TMEM131: variants seen among roughly 807,000 people sequenced by gnomAD.
TMEM131 encodes the protein transmembrane protein 131, also known as 2610524E03Rik.
TMEM131 carries 66 observed loss-of-function variants against 211.6 expected under a neutral mutation model. The ratio of observed to expected loss-of-function variants is 0.31; its 90% CI spans 0.26 to 0.38. The LOEUF (loss-of-function observed/expected upper bound fraction) is 0.38, where lower values mean the gene tolerates loss of function less well. Ranked by LOEUF, TMEM131 falls within the 10% of genes least tolerant of loss-of-function variation. The probability of loss-of-function intolerance (pLI) is 1.00; values close to 1 mark genes in which losing one functional copy is unlikely to be tolerated. For missense variants in TMEM131, 2,036 were observed against 2,299.3 expected (o/e 0.89, Z 2.34); for synonymous variants, 844 against 841.3 (o/e 1.00, Z -0.06).
At chr2:97,922,891 A>G (rs1454804657) in intron 2 of TMEM131, among the ~76,000 whole-genome samples, 1 of 152,218 alleles carries the variant, frequency 6.6e-6, no homozygotes, top group Non-Finnish European at 1.5e-5. Flanking sequence ...TATATCTCAC[A>G]ATAAACACTT....
chr2:97,778,780 G>A (rs1679850424), intron 31 of TMEM131, among the ~76,000 whole-genome samples: 1 of 152,028 alleles, frequency 6.6e-6, no homozygotes, highest in South Asian at 2.1e-4. Context: ...TGTAGCTCCT[G>A]CCAGGCCCCA....
chr2:97,811,106 T>C, intron 18 of TMEM131, 22 bp downstream of exon 18: 1 of 1,540,224 alleles, frequency 6.5e-7, no homozygotes, highest in South Asian at 1.1e-5. Flanking sequence ...CCCACTGCCA[T>C]GAATCCCCAT....
In TMEM131 at chr2:97,923,163, C is replaced by T. The variant is rs1426892667; in HGVS notation, c.249+4263G>A. Among the ~76,000 whole-genome samples, 7 of 152,242 alleles carry T rather than the reference C, an allele frequency of 4.6e-5. 1 individual carries two copies. The South Asian group carries it at 6.2e-4, about 14-fold the overall frequency. On this transcript the variant is annotated intron_variant, in intron 2 of 40. Coordinates refer to ENST00000186436, the MANE Select transcript of TMEM131 (RefSeq NM_015348.2). ...AGTTAGCTGGGTGTTGTGGCACACG[C>T]CTGTAATCCTGGTGGCTGAGGCAAG...
At chr2:97,828,216 T>C (rs1465665118) in intron 11 of TMEM131, among the ~76,000 whole-genome samples, 1 of 152,216 alleles carries the variant, frequency 6.6e-6, no homozygotes, top group African/African-American at 2.4e-5. Flanking sequence ...AATTTTAAGC[T>C]GGAAAGTCAC....
At chr2:97,929,327 C>A (rs1677121292) in intron 1 of TMEM131, among the ~76,000 whole-genome samples, 1 of 151,674 alleles carries the variant, frequency 6.6e-6, no homozygotes, top group African/African-American at 2.4e-5. Flanking sequence ...AATAAATATC[C>A]ATAAACCCAT....
intron 11 of TMEM131, among the ~76,000 whole-genome samples, chr2:97,820,726 G>A (rs189299602): frequency 6.6e-6 from 1 of 152,174 alleles, no homozygotes; most frequent in Non-Finnish European, 1.5e-5. Context: ...GCGTGGTGGT[G>A]GGTGTCTATA....
At chr2:97,808,259 A>G (rs1451045959) in intron 19 of TMEM131, among the ~76,000 whole-genome samples, 1 of 152,174 alleles carries the variant, frequency 6.6e-6, no homozygotes, top group African/African-American at 2.4e-5. Flanking sequence ...ATTTGGGAAC[A>G]TTTTGGATTT....
At position 97,761,329 on chromosome 2, in the gene TMEM131, G is replaced by A. The variant is rs181094997; in HGVS notation, c.4890-415C>T. The A allele has an allele frequency of 3.4e-3, 586 of 170,668 alleles. 2 individuals carry two copies. The highest frequency in any genetic ancestry group is 0.011 in the African/African-American group (458 of 42,112). 10.6% of individuals were successfully genotyped at this position (170,668 alleles called of 1,614,324 possible). A position where few individuals can be genotyped will look rare whatever the true frequency, so the allele number is the denominator to read the frequency against. ...TGCTCCTGTGGCAAGGCCCAGAAGC[G>A]GGGTGGCTCCCCCAGCCTCAGTGGT... On this transcript the variant is annotated intron_variant, in intron 36 of 40. Transcript: ENST00000186436.
At chr2:97,853,838 G>A (rs924101707) in intron 5 of TMEM131, among the ~76,000 whole-genome samples, 4 of 152,128 alleles carry the variant, frequency 2.6e-5, no homozygotes, top group African/African-American at 7.2e-5. Flanking sequence ...AAACTTGAAC[G>A]GAAGAGGAGT....
rs976250593 is a variant in TMEM131, at chr2:97,834,613, T to G, written c.1012+8A>C. The stretch of plus-strand genomic sequence containing the variant: ...CTCCATAAAGACTCTTTTAAAAGAT[T>G]TTTTTACCTTGTGTTCTTAGTGTAC... On this transcript the variant is annotated splice_region_variant and intron_variant, in intron 10 of 40. Transcript: ENST00000186436. 1 of 1,523,746 alleles carries G rather than the reference T, an allele frequency of 6.6e-7. No individual in the cohort carries two copies. Among genetic ancestry groups the G allele is most frequent in the African/African-American group, 1.4e-5 (1 of 70,940 alleles). 94.4% of individuals were successfully genotyped at this position (1,523,746 alleles called of 1,614,324 possible). A position where few individuals can be genotyped will look rare whatever the true frequency, so the allele number is the denominator to read the frequency against.
At chr2:97,766,407 C>A (rs1453989436) in intron 34 of TMEM131, 71 bp downstream of exon 34, 29 of 1,607,824 alleles carry the variant, frequency 1.8e-5, no homozygotes, top group Non-Finnish European at 1.5e-5. Flanking sequence ...TGATAATGCA[C>A]AACAATTGTT....
chr2:97,923,435 C>A (rs1434416979), intron 2 of TMEM131, among the ~76,000 whole-genome samples: 1 of 151,746 alleles, frequency 6.6e-6, no homozygotes, highest in Non-Finnish European at 1.5e-5. Flanking sequence ...CCAGCCTGGG[C>A]AACATAGTGA....
chr2:97,918,047 A>G (rs1465505074), intron 2 of TMEM131, among the ~76,000 whole-genome samples: 1 of 151,952 alleles, frequency 6.6e-6, no homozygotes, highest in Non-Finnish European at 1.5e-5. Flanking sequence ...CCCGGGTTCA[A>G]GCAATTCTGT....
At chr2:97,820,438 G>A (rs1682056238) in intron 11 of TMEM131, among the ~76,000 whole-genome samples, 1 of 152,094 alleles carries the variant, frequency 6.6e-6, no homozygotes, top group South Asian at 2.1e-4. Flanking sequence ...TCCAAAGAGA[G>A]GAAATCAGTA....
At chr2:97,808,138 A>T (rs1244271057) in intron 19 of TMEM131, among the ~76,000 whole-genome samples, 1 of 152,184 alleles carries the variant, frequency 6.6e-6, no homozygotes, top group Non-Finnish European at 1.5e-5. Flanking sequence ...GCCTGAAGGT[A>T]ATTTTATACA....
At chr2:97,939,030 T>G (rs868857208) in intron 1 of TMEM131, among the ~76,000 whole-genome samples, 1 of 152,098 alleles carries the variant, frequency 6.6e-6, no homozygotes, top group Admixed American at 6.5e-5. Flanking sequence ...TTTAAAGCAG[T>G]GTGTAGAGGG....
chr2:97,981,320 G>A (rs1679788158), intron 1 of TMEM131, among the ~76,000 whole-genome samples: 1 of 152,006 alleles, frequency 6.6e-6, no homozygotes, highest in African/African-American at 2.4e-5. Context: ...ATATGTATTT[G>A]TATTGTTAAA....
chr2:97,907,292 C>T (rs1193201360), intron 3 of TMEM131: 1 of 151,780 alleles, frequency 6.6e-6, no homozygotes, highest in East Asian at 1.9e-4. Flanking sequence ...GAGAGAATGA[C>T]AGAACAATGG....
intron 11 of TMEM131, among the ~76,000 whole-genome samples, chr2:97,820,093 G>A (rs533651213): frequency 2.6e-5 from 4 of 152,278 alleles, no homozygotes; most frequent in Admixed American, 2.6e-4. Flanking sequence ...TCGTTCACAG[G>A]GTCTGAAATG....
Sources: allele counts gnomAD v4.1 joint callset (sites outside exome capture counted in the v4.1 genomes callset), GRCh38; gene constraint gnomAD v4.1.1; transcripts MANE v1.5; gene names NCBI Gene and HGNC (gene_info 2026-07-23, HGNC 2026-07-21).